Variants in TBC1D23 observed in about 807,000 individuals in gnomAD.
The protein encoded by TBC1D23 is HCV non-structural protein 4A-transactivated protein 1.
TBC1D23 carries 55 observed loss-of-function variants against 91.4 expected under a neutral mutation model. The observed-to-expected ratio is 0.60, with a 90% CI of 0.48 to 0.75. TBC1D23 has a LOEUF of 0.75. Ranked by LOEUF, TBC1D23 falls within the 30% of genes least tolerant of loss-of-function variation. The pLI, the probability that TBC1D23 is intolerant of heterozygous loss-of-function variation, is 0.00. For synonymous variants in TBC1D23, 289 were observed against 281.0 expected, an observed-to-expected ratio of 1.03 and a Z score of -0.28; for missense variants, 725 against 836.1, an observed-to-expected ratio of 0.87 and a Z score of 1.64.
Position 100,316,093 on chromosome 3 carries a change from A to G in TBC1D23, c.1599-6A>G. On this transcript the variant is annotated splice_region_variant and splice_polypyrimidine_tract_variant and intron_variant, in intron 15 of 18. Transcript: ENST00000394144. The stretch of plus-strand genomic sequence containing the variant: ...TTATTTCTCTCCTAAAATTCTTTGA[A>G]TATAGGCATGTGAGCAGCAGTGACA... 1 of 1,608,790 alleles carries G rather than the reference A, an allele frequency of 6.2e-7. No homozygotes were observed. The highest frequency in any genetic ancestry group is 8.5e-7 in the Non-Finnish European group (1 of 1,175,192).
At position 100,318,646 on chromosome 3, in the gene TBC1D23, CT is replaced by C. The variant is rs1221401600; in HGVS notation, c.1688-408del. On this transcript the variant is annotated intron_variant, in intron 16 of 18. Coordinates refer to ENST00000394144, the MANE Select transcript of TBC1D23 (RefSeq NM_001199198.3). ...CAGGATTAGAATTGATTGCGTTATT[CT>C]TTTTTTTTTTTTTTCTTTTTTTTGA... is the stretch of plus-strand genomic sequence containing the variant. Among the ~76,000 whole-genome samples the C allele has an allele frequency of 7.1e-3, 975 of 137,806 alleles. 4 individuals are homozygous for C. The highest frequency in any genetic ancestry group is 0.016 in the South Asian group (69 of 4,310). The allele number at this position is 137,806 out of a possible 152,430, so 90.4% of individuals were successfully genotyped here.
Position 100,306,973 on chromosome 3 carries a change from A to G in TBC1D23, c.1413+430A>G, listed in dbSNP as rs116573976. Among the ~76,000 whole-genome samples the G allele has an allele frequency of 4.4e-3, 666 of 152,288 alleles. 4 individuals carry two copies. Among genetic ancestry groups the G allele is most frequent in the Non-Finnish European group, 7.9e-3 (540 of 68,022 alleles). On this transcript the variant is annotated intron_variant, in intron 13 of 18. Transcript: ENST00000394144. ...TAGGGCTCATAATCATCTCGTGCAC[A>G]CTATGTCTGTACCCATCCCCATCAC...
At chr3:100,301,205 G>A (rs1023166713) in intron 10 of TBC1D23, among the ~76,000 whole-genome samples, 5 of 150,694 alleles carry the variant, frequency 3.3e-5, no homozygotes, top group East Asian at 2.0e-4. Context: ...TTTGGGAGGC[G>A]GAGGTTGCGG....
chr3:100,293,031 G>T (rs1478887351), intron 5 of TBC1D23, among the ~76,000 whole-genome samples: 2 of 152,190 alleles, frequency 1.3e-5, no homozygotes, highest in Non-Finnish European at 2.9e-5. Flanking sequence ...CATTTCTGAT[G>T]CCAGAGCTCT....
chr3:100,267,564 G>T (rs1393408305), intron 1 of TBC1D23, among the ~76,000 whole-genome samples: 6 of 152,176 alleles, frequency 3.9e-5, no homozygotes, highest in East Asian at 3.9e-4. Context: ...TGTTATGGTG[G>T]TATTTAATAA....
At position 100,295,222 on chromosome 3, in the gene TBC1D23, G is replaced by A. The variant is rs748398049; in HGVS notation, c.725+11G>A. The A allele has an allele frequency of 1.3e-6, 2 of 1,595,030 alleles. No homozygotes were observed. The highest frequency in any genetic ancestry group is 3.6e-5 in the Admixed American group (2 of 54,840). Reference sequence around the variant, plus strand: ...CCTTGTTAATGCAAAGTAAGTATCTGGTTGGTTAGATTTTTTTTCCTCTTT... The same window carrying A: ...CCTTGTTAATGCAAAGTAAGTATCTAGTTGGTTAGATTTTTTTTCCTCTTT... On this transcript the variant is annotated intron_variant, in intron 6 of 18. Coordinates refer to ENST00000394144, the MANE Select transcript of TBC1D23 (RefSeq NM_001199198.3).
chr3:100,274,691 T>C (rs1167263518), intron 1 of TBC1D23, among the ~76,000 whole-genome samples: 5 of 150,718 alleles, frequency 3.3e-5, no homozygotes, highest in Admixed American at 2.0e-4. Context: ...CGTAATGTTG[T>C]CAAGGTTCAT....
intron 13 of TBC1D23, among the ~76,000 whole-genome samples, 162 bp downstream of exon 13, chr3:100,306,705 A>G (rs762404153): frequency 2.6e-5 from 4 of 152,220 alleles, no homozygotes; most frequent in Non-Finnish European, 5.9e-5. Context: ...ACAGCAAGCC[A>G]TTATTTATTG....
intron 14 of TBC1D23, 109 bp downstream of exon 14, chr3:100,310,651 A>T (rs1705610057): frequency 1.2e-6 from 1 of 804,872 alleles, no homozygotes; most frequent in Non-Finnish European, 1.9e-6. Context: ...GAAAAGGATT[A>T]TAAAGTATAT....
chr3:100,316,307 G>A (rs1705744085), intron 16 of TBC1D23, 120 bp downstream of exon 16: 3 of 730,834 alleles, frequency 4.1e-6, no homozygotes, highest in Middle Eastern at 2.5e-4. Context: ...AGAAATAATT[G>A]GAGAATCTGT....
At chr3:100,282,309 T>G (rs2067702079) in intron 3 of TBC1D23, among the ~76,000 whole-genome samples, 2 of 152,206 alleles carry the variant, frequency 1.3e-5, no homozygotes, top group Admixed American at 1.3e-4. Context: ...AGACTCTATC[T>G]CAAAGAAACA....
rs1305428070 is a variant in TBC1D23 at position 100,284,831 on chromosome 3, TG to T, written c.476+1025del. 3.9e-5 allele frequency among the ~76,000 whole-genome samples: 6 copies of T among 152,166 alleles called. No individual in the cohort carries two copies. In the East Asian group the frequency reaches 9.6e-4, roughly 24 times the overall value. On this transcript the variant is annotated intron_variant, in intron 4 of 18. Transcript: ENST00000394144. Reference sequence around the variant, plus strand: ...AACCTTGAATGCACATTAGAACTATTGGGGGAGCTCTTAAAAATCCTAATGA... The same window carrying T: ...AACCTTGAATGCACATTAGAACTATTGGGGAGCTCTTAAAAATCCTAATGA...
At chr3:100,309,396 T>C (rs538455626) in intron 13 of TBC1D23, among the ~76,000 whole-genome samples, 1 of 152,258 alleles carries the variant, frequency 6.6e-6, no homozygotes, top group South Asian at 2.1e-4. Context: ...GTTAATAGTT[T>C]TAACTATTTC....
chr3:100,292,927 A>G (rs1352833436), intron 5 of TBC1D23, among the ~76,000 whole-genome samples: 1 of 152,072 alleles, frequency 6.6e-6, no homozygotes, highest in African/African-American at 2.4e-5. Flanking sequence ...TCTGAGATTC[A>G]TATGTTGCCA....
chr3:100,263,790 C>T (rs576133925), intron 1 of TBC1D23, among the ~76,000 whole-genome samples: 1 of 152,190 alleles, frequency 6.6e-6, no homozygotes, highest in East Asian at 1.9e-4. Flanking sequence ...GGAAATGTTT[C>T]CACAGTTAAG....
At chr3:100,293,475 A>C (rs1250082507) in intron 5 of TBC1D23, among the ~76,000 whole-genome samples, 1 of 152,128 alleles carries the variant, frequency 6.6e-6, no homozygotes, top group African/African-American at 2.4e-5. Flanking sequence ...TTGATGAAAT[A>C]GAGTTTTTTA....
At chr3:100,314,091 A>ATTTTTTTTTT (rs71299383) in intron 15 of TBC1D23, among the ~76,000 whole-genome samples, 17 of 94,576 alleles carry the variant, frequency 1.8e-4, no homozygotes, top group Non-Finnish European at 2.4e-4. Context: ...AGGCTACAAA[A>ATTTTTTTTTT]TTTTTTTTTT....
At chr3:100,295,043 C>T in intron 5 of TBC1D23, 44 bp from the exon 6 acceptor site, 3 of 1,514,740 alleles carry the variant, frequency 2.0e-6, no homozygotes, top group Non-Finnish European at 2.6e-6. Context: ...GAGAACAAGT[C>T]ACCTCCAGTG....
At chr3:100,277,303 G>A (rs2067656254) in intron 1 of TBC1D23, among the ~76,000 whole-genome samples, 1 of 152,052 alleles carries the variant, frequency 6.6e-6, no homozygotes, top group South Asian at 2.1e-4. Flanking sequence ...CTGTACCTTT[G>A]GATGCCTTGT....
Sources: allele counts gnomAD v4.1 joint callset (sites outside exome capture counted in the v4.1 genomes callset), GRCh38; gene constraint gnomAD v4.1.1; transcripts MANE v1.5; gene names NCBI Gene and HGNC (gene_info 2026-07-23, HGNC 2026-07-21).